The following NEK11 variants were observed in gnomAD, a reference collection of about 807,000 sequenced individuals.
NEK11 encodes the protein NIMA related kinase 11, also known as serine/threonine-protein kinase Nek11.
Under a neutral mutation model 80.7 loss-of-function variants are expected in NEK11, and 72 were observed. That is an observed-to-expected ratio of 0.89 (90% CI 0.74 to 1.08). NEK11 has a LOEUF of 1.08. Among genes scored for constraint, NEK11 ranks in the 50% least tolerant of loss-of-function variants. The pLI is 0.00. For synonymous variants in NEK11, 251 were observed against 260.7 expected (o/e 0.96, Z 0.36); for missense variants, 764 against 763.6 (o/e 1.00, Z -0.01).
At chr3:131,072,526 G>A (rs1259877727) in intron 3 of NEK11, among the ~76,000 whole-genome samples, 2 of 152,108 alleles carry the variant, frequency 1.3e-5, no homozygotes, top group East Asian at 1.9e-4. Flanking sequence ...CACAATATTC[G>A]ATGACTCTGC....
At chr3:131,258,318 A>G (rs80238121) in intron 16 of NEK11, among the ~76,000 whole-genome samples, 19,375 of 152,122 alleles carry the variant, frequency 0.13, 1,784 homozygotes, top group East Asian at 0.3. Context: ...ATTGAAATAA[A>G]ATAAAACAAA....
intron 16 of NEK11, among the ~76,000 whole-genome samples, chr3:131,262,969 C>T (rs1003724549): frequency 2.0e-5 from 3 of 152,038 alleles, no homozygotes; most frequent in East Asian, 1.9e-4. Flanking sequence ...TAGTTTCATC[C>T]GTCTCCCTGC....
chr3:131,289,175 C>A (rs1289031780), intron 17 of NEK11, among the ~76,000 whole-genome samples: 4 of 152,180 alleles, frequency 2.6e-5, no homozygotes, highest in Admixed American at 2.0e-4. Flanking sequence ...AGATGGCTGT[C>A]TTCTTTCAGT....
In NEK11 at chr3:131,273,536, C is replaced by T. The variant is rs772740796; in HGVS notation, c.1680C>T (p.Asn560=). Residue 560 remains asparagine (N), a synonymous_variant, in exon 17 of 18, where the codon AAC becomes AAT. Coordinates refer to ENST00000383366, the MANE Select transcript of NEK11 (RefSeq NM_024800.5). Reference sequence around the variant, plus strand: ...TGTCCCCAGGACCACCAATTTTCAACAGTGTGATGGCCAGGACCAAGATGA... The same window carrying T: ...TGTCCCCAGGACCACCAATTTTCAATAGTGTGATGGCCAGGACCAAGATGA... ...EDMSPGPPIF[N]SVMARTKMKR... is the part of the protein sequence containing the mutation. 1.2e-6 allele frequency: 2 copies of T among 1,614,018 alleles called. No individual in the cohort carries two copies. Among genetic ancestry groups the T allele is most frequent in the Non-Finnish European group, 1.7e-6 (2 of 1,179,908 alleles).
At chr3:131,296,064 C>G (rs1034852157) in intron 17 of NEK11, among the ~76,000 whole-genome samples, 7 of 152,088 alleles carry the variant, frequency 4.6e-5, no homozygotes, top group Non-Finnish European at 1.0e-4. Context: ...TGGTCTTGAA[C>G]TCCTGAGCTC....
At chr3:131,277,318 T>C (rs1262684731) in intron 17 of NEK11, among the ~76,000 whole-genome samples, 9 of 152,194 alleles carry the variant, frequency 5.9e-5, no homozygotes, top group Non-Finnish European at 1.3e-4. Context: ...TTTAAATAAA[T>C]ATGTGAATTT....
intron 3 of NEK11, among the ~76,000 whole-genome samples, chr3:131,064,433 C>T (rs2071492332): frequency 1.3e-5 from 2 of 152,070 alleles, no homozygotes; most frequent in South Asian, 4.2e-4. Flanking sequence ...TGTCCCTGGT[C>T]TCTCCCTCTC....
At chr3:131,164,562 A>G (rs748791122) in intron 11 of NEK11, among the ~76,000 whole-genome samples, 14 of 152,222 alleles carry the variant, frequency 9.2e-5, no homozygotes, top group Non-Finnish European at 1.8e-4. Context: ...GGAACAGATT[A>G]AAAAGGCAAA....
chr3:131,070,555 A>C (rs553548456), intron 3 of NEK11, among the ~76,000 whole-genome samples: 1 of 152,344 alleles, frequency 6.6e-6, no homozygotes, highest in East Asian at 1.9e-4. Context: ...AATGATAATG[A>C]AGAACAGACA....
At chr3:131,069,472 A>G (rs2072773751) in intron 3 of NEK11, among the ~76,000 whole-genome samples, 1 of 152,160 alleles carries the variant, frequency 6.6e-6, no homozygotes, top group Admixed American at 6.6e-5. Flanking sequence ...CCATCCCATT[A>G]CTGGGTATAT....
At chr3:131,230,153 C>A (rs2107819034) in intron 15 of NEK11, among the ~76,000 whole-genome samples, 1 of 60,148 alleles carries the variant, frequency 1.7e-5, no homozygotes, top group African/African-American at 6.4e-5. Context: ...ATTTTAGCTA[C>A]TAATATTCAC....
chr3:131,148,986 G>C (rs2089043815), intron 7 of NEK11, among the ~76,000 whole-genome samples: 1 of 151,870 alleles, frequency 6.6e-6, no homozygotes, highest in South Asian at 2.1e-4. Flanking sequence ...ATTTCTTTGT[G>C]TTGGGAACAT....
rs12632399 is a variant in NEK11, at chr3:131,349,665, A to G, written c.1827A>G (p.Glu609=). Residue 609 remains glutamate (E), a synonymous_variant, in exon 18 of 18, where the codon GAA becomes GAG. Transcript: ENST00000383366. The part of the protein sequence containing the change: ...ASEAEIRECL[E]KVVPQASDCF... ...AAGCAGAGATCCGCGAGTGTTTGGA[A>G]AAAGTGGTGCCTCAAGCCAGCGACT... is the stretch of plus-strand genomic sequence containing the variant. 0.024 allele frequency: 38,176 copies of G among 1,614,140 alleles called. 597 individuals carry two copies. The highest frequency in any genetic ancestry group is 0.074 in the East Asian group (3,332 of 44,864).
chr3:131,255,082 A>G (rs1446124222), intron 16 of NEK11, among the ~76,000 whole-genome samples: 2 of 57,618 alleles, frequency 3.5e-5, no homozygotes, highest in South Asian at 6.5e-4. Context: ...GAAAGAAGGA[A>G]AGAAAGAAAG....
chr3:131,196,526 T>G (rs764773681), intron 14 of NEK11, among the ~76,000 whole-genome samples: 1 of 151,766 alleles, frequency 6.6e-6, no homozygotes, highest in Non-Finnish European at 1.5e-5. Context: ...AATGCGAAAT[T>G]TCTTTTTCCT....
chr3:131,337,546 C>T (rs1582329225), intron 17 of NEK11, among the ~76,000 whole-genome samples: 2 of 151,748 alleles, frequency 1.3e-5, no homozygotes, highest in South Asian at 4.2e-4. Flanking sequence ...AGCACACCAG[C>T]ATGGCACATG....
chr3:131,170,875 C>G lies in NEK11; in HGVS notation c.1387C>G (p.Leu463Val). 1 of 1,610,712 alleles carries G rather than the reference C, an allele frequency of 6.2e-7. No individual in the cohort carries two copies. Residue 463 changes from leucine to valine, a missense_variant, in exon 14 of 18, where the codon CTT becomes GTT. Leu to Val is a conservative substitution (Grantham distance 32). Coordinates refer to ENST00000383366, the MANE Select transcript of NEK11 (RefSeq NM_024800.5). Reference protein sequence around the residue: ...ESIVEDATSDLGYHEIPEDPL... With the variant: ...ESIVEDATSDVGYHEIPEDPL... ...AATTGTAGAGGATGCCACATCTGACCTTGGATACCATGGTATGTGTTTGCA... is the reference window on the plus strand; with the variant it reads ...AATTGTAGAGGATGCCACATCTGACGTTGGATACCATGGTATGTGTTTGCA...
chr3:131,345,551 G>A (rs2097350176), intron 17 of NEK11, among the ~76,000 whole-genome samples: 2 of 152,172 alleles, frequency 1.3e-5, no homozygotes, highest in Admixed American at 1.3e-4. Flanking sequence ...ATGTTGGTGT[G>A]GAGAAAAGAG....
At chr3:131,264,642 A>T (rs1476218591) in intron 16 of NEK11, among the ~76,000 whole-genome samples, 2 of 152,160 alleles carry the variant, frequency 1.3e-5, no homozygotes, top group East Asian at 3.8e-4. Context: ...GAAGTCAGGT[A>T]GCGTGATACC....
Sources: gnomAD v4.1 joint callset for allele counts (sites outside exome capture counted in the v4.1 genomes callset) on GRCh38, gnomAD v4.1.1 for gene constraint, MANE v1.5 for transcripts, NCBI Gene and HGNC (gene_info 2026-07-23, HGNC 2026-07-21) for gene names.